Variants in PAM observed in about 807,000 individuals in gnomAD.
PAM encodes peptidylglycine alpha-amidating monooxygenase.
PAM carries 72 observed loss-of-function variants against 122.1 expected under a neutral mutation model. The observed-to-expected ratio is 0.59, with a 90% CI of 0.49 to 0.72. The LOEUF is 0.72. Ranked by LOEUF, PAM falls within the 30% of genes least tolerant of loss-of-function variation. The pLI is 0.00. For synonymous variants in PAM, 389 were observed against 404.4 expected (o/e 0.96, Z 0.46); for missense variants, 1,106 against 1,183.7 (o/e 0.93, Z 0.96).
chr5:102,946,751 G>T, intron 7 of PAM, 86 bp from the exon 8 acceptor site: 2 of 779,888 alleles, frequency 2.6e-6, no homozygotes, highest in Non-Finnish European at 4.4e-6. Context: ...TAAAATATTT[G>T]GTTATAATCA....
chr5:102,856,032 G>C (rs781329518), intron 1 of PAM, among the ~76,000 whole-genome samples: 1 of 151,982 alleles, frequency 6.6e-6, no homozygotes, highest in Non-Finnish European at 1.5e-5. Context: ...AATGTAGTGA[G>C]GTCTTTGACA....
chr5:103,013,192 T>C (rs1176180707), intron 21 of PAM, among the ~76,000 whole-genome samples: 1 of 152,208 alleles, frequency 6.6e-6, no homozygotes, highest in Admixed American at 6.5e-5. Flanking sequence ...ATTCTTCCAA[T>C]CCATGAACAT....
At chr5:103,019,231 T>C (rs1782891010) in intron 22 of PAM, among the ~76,000 whole-genome samples, 1 of 152,210 alleles carries the variant, frequency 6.6e-6, no homozygotes, top group Admixed American at 6.5e-5. Flanking sequence ...TAGAAAGTCC[T>C]CCCAAGTGAC....
intron 1 of PAM, among the ~76,000 whole-genome samples, chr5:102,775,597 T>C (rs1005709077): frequency 2.0e-5 from 3 of 152,120 alleles, no homozygotes; most frequent in African/African-American, 7.2e-5. Flanking sequence ...TGGTGTTTGT[T>C]TTTCTGTTCC....
chr5:102,869,344 A>G (rs977451730), intron 3 of PAM, among the ~76,000 whole-genome samples: 2 of 152,176 alleles, frequency 1.3e-5, no homozygotes, highest in African/African-American at 2.4e-5. Flanking sequence ...AGCCATGCCT[A>G]TAATAAAACT....
intron 3 of PAM, among the ~76,000 whole-genome samples, chr5:102,877,815 G>C (rs890060148): frequency 6.6e-6 from 1 of 152,010 alleles, no homozygotes; most frequent in Non-Finnish European, 1.5e-5. Context: ...ATTGCATGAG[G>C]CCAGGAGTTT....
intron 1 of PAM, among the ~76,000 whole-genome samples, chr5:102,831,446 TTTAC>T (rs71593283): frequency 1.1e-4 from 17 of 151,894 alleles, no homozygotes; most frequent in South Asian, 4.2e-4. Flanking sequence ...CCTTTTTTTT[TTTAC>T]AAAGTATGCC....
chr5:102,819,444 T>G (rs1029985857), intron 1 of PAM, among the ~76,000 whole-genome samples: 1 of 151,860 alleles, frequency 6.6e-6, no homozygotes, highest in African/African-American at 2.4e-5. Context: ...TATTTATATA[T>G]GTTTATAAAT....
intron 16 of PAM, among the ~76,000 whole-genome samples, chr5:103,002,085 A>G (rs1777573930): frequency 6.6e-6 from 1 of 151,904 alleles, no homozygotes; most frequent in Non-Finnish European, 1.5e-5. Context: ...CTTTTTTGAG[A>G]AGATAACTTG....
chr5:102,767,215 C>T (rs1397051616), intron 1 of PAM, among the ~76,000 whole-genome samples: 1 of 151,632 alleles, frequency 6.6e-6, no homozygotes, highest in Non-Finnish European at 1.5e-5. Flanking sequence ...TTTTTCTCAT[C>T]AGTTTTCATT....
chr5:102,860,799 G>A (rs1484059733), intron 1 of PAM, among the ~76,000 whole-genome samples: 4 of 152,078 alleles, frequency 2.6e-5, no homozygotes, highest in African/African-American at 9.7e-5. Context: ...TAATCAAATG[G>A]TCAAAGTTAA....
chr5:102,985,253 A>C (rs909726336), intron 15 of PAM, among the ~76,000 whole-genome samples: 2 of 152,048 alleles, frequency 1.3e-5, no homozygotes, highest in African/African-American at 4.8e-5. Flanking sequence ...AGACTAAAAA[A>C]ATACAAAGGT....
chr5:102,788,857 CAT>C (rs1358850336), intron 1 of PAM, among the ~76,000 whole-genome samples: 4 of 152,028 alleles, frequency 2.6e-5, no homozygotes, highest in African/African-American at 9.7e-5. Flanking sequence ...TATTAAAATA[CAT>C]ATGTGTCATC....
chr5:102,916,905 GT>G (rs1803298237), intron 5 of PAM, among the ~76,000 whole-genome samples: 1 of 151,414 alleles, frequency 6.6e-6, no homozygotes, highest in South Asian at 2.1e-4. Flanking sequence ...ACTAATTTTT[GT>G]ATTTTTAGTA....
intron 2 of PAM, among the ~76,000 whole-genome samples, 190 bp from the exon 3 acceptor site, chr5:102,867,083 T>C (rs1462009711): frequency 6.6e-6 from 1 of 152,208 alleles, no homozygotes; most frequent in Admixed American, 6.5e-5. Context: ...ATTAGGTATA[T>C]ATTGTTATTG....
intron 4 of PAM, among the ~76,000 whole-genome samples, chr5:102,909,354 C>A (rs576465095): frequency 2.6e-5 from 4 of 151,888 alleles, no homozygotes; most frequent in African/African-American, 9.6e-5. Flanking sequence ...TCTAAAATAT[C>A]AACTAATTTT....
chr5:102,802,252 C>A (rs1764981014), intron 1 of PAM, among the ~76,000 whole-genome samples: 1 of 152,012 alleles, frequency 6.6e-6, no homozygotes, highest in Non-Finnish European at 1.5e-5. Context: ...TTAGAGTAAG[C>A]CATCATGTAT....
intron 7 of PAM, among the ~76,000 whole-genome samples, chr5:102,937,804 TCTAA>T (rs1224815213): frequency 3.3e-5 from 5 of 152,196 alleles, no homozygotes; most frequent in African/African-American, 9.6e-5. Context: ...AAGTTCATGC[TCTAA>T]CTATGTAAAA....
chr5:102,992,275 A>C (rs1774310575), intron 16 of PAM, among the ~76,000 whole-genome samples: 1 of 152,148 alleles, frequency 6.6e-6, no homozygotes, highest in South Asian at 2.1e-4. Flanking sequence ...TCTTCAGAGG[A>C]AACTGCTGAT....
Sources: gnomAD v4.1 joint callset for allele counts (sites outside exome capture counted in the v4.1 genomes callset) on GRCh38, gnomAD v4.1.1 for gene constraint, MANE v1.5 for transcripts, NCBI Gene and HGNC (gene_info 2026-07-23, HGNC 2026-07-21) for gene names.